CBLN2: variants seen among roughly 807,000 people sequenced by gnomAD.
CBLN2 encodes the protein cerebellin-2.
CBLN2 carries 7 observed loss-of-function variants against 15.0 expected under a neutral mutation model. The observed-to-expected ratio is 0.47, with a 90% CI of 0.27 to 0.88. The LOEUF (loss-of-function observed/expected upper bound fraction) is 0.88, where lower values mean the gene tolerates loss of function less well. Ranked by LOEUF, CBLN2 falls within the 40% of genes least tolerant of loss-of-function variation. CBLN2 has a pLI of 0.14. For synonymous variants in CBLN2, 149 were observed against 135.2 expected (o/e 1.10, Z -0.71); for missense variants, 242 against 304.5 (o/e 0.79, Z 1.53).
intron 1 of CBLN2, among the ~76,000 whole-genome samples, chr18:72,598,886 G>T (rs1334662259): frequency 6.6e-6 from 1 of 152,178 alleles, no homozygotes; most frequent in African/African-American, 2.4e-5. Flanking sequence ...TCTCCTCTAA[G>T]TGCACAGATT....
At chr18:72,581,235 T>C (rs2144918488) in intron 1 of CBLN2, among the ~76,000 whole-genome samples, 1 of 151,758 alleles carries the variant, frequency 6.6e-6, no homozygotes, top group African/African-American at 2.4e-5. Context: ...TGTCAGAATA[T>C]TTTTAATTGT....
chr18:72,559,606 G>T (rs1297098275), intron 1 of CBLN2, among the ~76,000 whole-genome samples: 1 of 152,200 alleles, frequency 6.6e-6, no homozygotes, highest in African/African-American at 2.4e-5. Context: ...TCAATATGGG[G>T]TTGATTGTGT....
At chr18:72,592,390 T>C (rs1446592340) in intron 1 of CBLN2, among the ~76,000 whole-genome samples, 1 of 152,172 alleles carries the variant, frequency 6.6e-6, no homozygotes, top group African/African-American at 2.4e-5. Flanking sequence ...CCTTATATAT[T>C]CTGGTTATTG....
At position 72,538,188 on chromosome 18, in the gene CBLN2, C is replaced by T; in HGVS notation, c.663G>A (p.Val221=). 1 of 1,614,112 alleles carries T rather than the reference C, an allele frequency of 6.2e-7. No homozygotes were observed. The highest frequency in any genetic ancestry group is 8.5e-7 in the Non-Finnish European group (1 of 1,180,008). ...WKYSTFSGFL[V]FPL is the part of the protein sequence containing the mutation. ...GGGGGCTCTGTGTTTATAGAGGAAA[C>T]ACCAAGAAGCCCGAGAATGTGGAGT... Residue 221 remains valine, a synonymous_variant, in exon 5 of 5, where the codon GTG becomes GTA. Transcript: ENST00000269503.
chr18:72,576,427 C>A (rs1206016355), intron 1 of CBLN2, among the ~76,000 whole-genome samples: 5 of 152,208 alleles, frequency 3.3e-5, no homozygotes, highest in Admixed American at 6.5e-5. Context: ...AAGTGTGCAG[C>A]CGGTTATATC....
At chr18:72,575,566 T>G (rs2069360367) in intron 1 of CBLN2, among the ~76,000 whole-genome samples, 1 of 152,096 alleles carries the variant, frequency 6.6e-6, no homozygotes, top group Non-Finnish European at 1.5e-5. Context: ...CTCCAGGTCC[T>G]GTACTAAAAG....
At chr18:72,618,517 T>G in intron 1 of CBLN2, 2 of 689,232 alleles carry the variant, frequency 2.9e-6, no homozygotes, top group South Asian at 2.7e-5. Context: ...GCAAGAGTTG[T>G]GGAACCAAAA....
chr18:72,538,183 G>C lies in CBLN2; in HGVS notation c.668C>G (p.Pro223Arg). 8 of 1,614,074 alleles carry C rather than the reference G, an allele frequency of 5.0e-6. No individual in the cohort carries two copies. The highest frequency in any genetic ancestry group is 6.8e-6 in the Non-Finnish European group (8 of 1,180,006). The change falls in exon 5 of 5, where the codon CCT becomes CGT. Residue 223 changes from proline to arginine, a missense_variant. Coordinates refer to ENST00000269503, the MANE Select transcript of CBLN2 (RefSeq NM_182511.4). Reference protein sequence around the residue: ...YSTFSGFLVFPL With the variant: ...YSTFSGFLVFRL The stretch of plus-strand genomic sequence containing the variant: ...ATCTAGGGGGCTCTGTGTTTATAGA[G>C]GAAACACCAAGAAGCCCGAGAATGT...
intron 1 of CBLN2, among the ~76,000 whole-genome samples, chr18:72,561,243 C>CAAAAAAAAAAAAAAAAAAAAAAAAAAA (rs33954304): frequency 8.0e-6 from 1 of 125,002 alleles, no homozygotes; most frequent in Non-Finnish European, 1.6e-5. Flanking sequence ...AACAACAACC[C>CAAAAAAAAAAAAAAAAAAAAAAAAAAA]AAAAAAAAAA....
intron 3 of CBLN2, 45 bp downstream of exon 3, chr18:72,541,759 C>A (rs777422546): frequency 2.2e-5 from 32 of 1,477,762 alleles, no homozygotes; most frequent in Non-Finnish European, 2.8e-5. Flanking sequence ...AGGTCCCCGC[C>A]CCTCTCCCCG....
chr18:72,621,913 T>G (rs943657409), intron 1 of CBLN2, among the ~76,000 whole-genome samples: 1 of 152,166 alleles, frequency 6.6e-6, no homozygotes, highest in Non-Finnish European at 1.5e-5. Context: ...GAGAAACCGA[T>G]GGATTCATAT....
chr18:72,633,422 C>T lies in CBLN2; in HGVS notation c.15+4903G>A, dbSNP rs867348164. Among the ~76,000 whole-genome samples, 5 of 152,146 alleles carry T rather than the reference C, an allele frequency of 3.3e-5. No individual in the cohort carries two copies. In the South Asian group the frequency reaches 6.2e-4, roughly 19 times the overall value. On this transcript the variant is annotated intron_variant, in intron 1 of 2. Coordinates refer to the CBLN2 transcript ENST00000581073. ...CTACATTTGTTACTTATAAGAAATG[C>T]TCCGTTTTAGTTGAATACAAAAACA... is the stretch of plus-strand genomic sequence containing the variant.
At chr18:72,570,863 A>G (rs2069328278) in intron 1 of CBLN2, among the ~76,000 whole-genome samples, 1 of 152,138 alleles carries the variant, frequency 6.6e-6, no homozygotes, top group Non-Finnish European at 1.5e-5. Context: ...ACATCCATGA[A>G]TGACTGCAAT....
chr18:72,547,703 A>AT (rs1205808260), upstream of CBLN2, among the ~76,000 whole-genome samples: 1 of 152,146 alleles, frequency 6.6e-6, no homozygotes, highest in African/African-American at 2.4e-5. Context: ...AAGAAAATGC[A>AT]TGATTTAAGG....
chr18:72,595,279 T>A (rs1317617915), intron 1 of CBLN2, among the ~76,000 whole-genome samples: 1 of 152,150 alleles, frequency 6.6e-6, no homozygotes, highest in Non-Finnish European at 1.5e-5. Context: ...TTAATTTTTT[T>A]ATTGACAACT....
chr18:72,622,359 A>T (rs2069706868), intron 1 of CBLN2, among the ~76,000 whole-genome samples: 1 of 151,964 alleles, frequency 6.6e-6, no homozygotes, highest in Non-Finnish European at 1.5e-5. Context: ...ATGCAACTAG[A>T]TACTTTAAGC....
intron 1 of CBLN2, among the ~76,000 whole-genome samples, chr18:72,584,961 C>G (rs1414014166): frequency 1.3e-5 from 2 of 152,150 alleles, no homozygotes; most frequent in Non-Finnish European, 2.9e-5. Flanking sequence ...GGTGTGTGAG[C>G]AAGTGAGCAC....
intron 1 of CBLN2, among the ~76,000 whole-genome samples, chr18:72,574,496 T>C (rs140875326): frequency 2.5e-4 from 38 of 152,256 alleles, no homozygotes; most frequent in African/African-American, 8.7e-4. Context: ...AAAATAATTA[T>C]ATCAAAAGCA....
At chr18:72,540,903 T>C (rs77324479) in intron 3 of CBLN2, among the ~76,000 whole-genome samples, 9 of 152,210 alleles carry the variant, frequency 5.9e-5, no homozygotes, top group Admixed American at 1.3e-4. Context: ...GGTAAAATGA[T>C]TAGGTAATTA....
Sources: allele counts gnomAD v4.1 joint callset (sites outside exome capture counted in the v4.1 genomes callset), GRCh38; gene constraint gnomAD v4.1.1; transcripts MANE v1.5; gene names NCBI Gene and HGNC (gene_info 2026-07-23, HGNC 2026-07-21).